The following R3HDM2 variants were observed in gnomAD, a reference collection of about 807,000 sequenced individuals.
R3HDM2 encodes R3H domain-containing protein 2.
A neutral mutation model predicts 124.5 loss-of-function variants in R3HDM2; 38 were observed. The ratio of observed to expected loss-of-function variants is 0.31; its 90% confidence interval spans 0.24 to 0.40. The LOEUF is 0.40. R3HDM2 is among the 10% of genes least tolerant of loss of function. R3HDM2 has a pLI of 1.00. For synonymous variants in R3HDM2, 391 were observed against 448.0 expected, an observed-to-expected ratio of 0.87 and a Z score of 1.61; for missense variants, 869 against 1,236.9, an observed-to-expected ratio of 0.70 and a Z score of 4.46.
intron 2 of R3HDM2, among the ~76,000 whole-genome samples, chr12:57,315,129 C>G (rs962783279): frequency 6.6e-6 from 1 of 152,060 alleles, no homozygotes; most frequent in Non-Finnish European, 1.5e-5. Flanking sequence ...CTTCTGCTTC[C>G]CAGGTTCAAG....
intron 11 of R3HDM2, among the ~76,000 whole-genome samples, chr12:57,289,877 C>A (rs192410375): frequency 2.0e-4 from 31 of 152,348 alleles, no homozygotes; most frequent in Admixed American, 1.2e-3. Flanking sequence ...CCCCACAACT[C>A]CACCCCTAAT....
rs559620539 is a variant in R3HDM2 at position 57,375,798 on chromosome 12, G to A, written c.-36+19951C>T. Among the ~76,000 whole-genome samples, 6 of 151,388 alleles carry A rather than the reference G, an allele frequency of 4.0e-5. 1 individual carries two copies. Among genetic ancestry groups the A allele is most frequent in the South Asian group, 4.2e-4 (2 of 4,784 alleles). On this transcript the variant is annotated intron_variant, in intron 2 of 23. Transcript: ENST00000402412. ...AGCAATTCTCCCGCCTCAGCCTCCC[G>A]AGTAGCTGGGATTACAGGCCCACAC... is the stretch of plus-strand genomic sequence containing the variant.
rs1565829854 is a variant in R3HDM2 at position 57,258,986 on chromosome 12, G to T, written c.2205C>A (p.Asn735Lys). The change falls in exon 20 of 24, where the codon AAC becomes AAA. Residue 735 changes from asparagine to lysine, a missense_variant. Asn to Lys is a moderately conservative substitution (Grantham distance 94, BLOSUM62 0). Transcript: ENST00000402412. The part of the protein sequence containing the change: ...NVPNGPQPPQ[N>K]PSMVQWSHCK... ...AATGACTCCACTGGACCATGGATGG[G>T]TTCTGAGGGGGCTGGGGTCCATTAG... 7.4e-6 allele frequency: 12 copies of T among 1,613,246 alleles called. No homozygotes were observed. The highest frequency in any genetic ancestry group is 8.5e-6 in the Non-Finnish European group (10 of 1,179,990).
chr12:57,276,322 T>C (rs934387474), intron 14 of R3HDM2, among the ~76,000 whole-genome samples: 8 of 151,956 alleles, frequency 5.3e-5, no homozygotes, highest in Non-Finnish European at 1.2e-4. Flanking sequence ...GATACTTGCA[T>C]GTGCATGTTT....
chr12:57,309,253 T>C (rs763677647), intron 3 of R3HDM2, among the ~76,000 whole-genome samples: 3 of 152,246 alleles, frequency 2.0e-5, no homozygotes, highest in Non-Finnish European at 4.4e-5. Context: ...CTAGTGTTAA[T>C]TGTCTGTCTC....
chr12:57,376,125 C>A (rs909556852), intron 2 of R3HDM2, among the ~76,000 whole-genome samples: 1 of 152,226 alleles, frequency 6.6e-6, no homozygotes, highest in Non-Finnish European at 1.5e-5. Flanking sequence ...TATTCTGGGT[C>A]CTTCATTGAA....
chr12:57,425,227 G>A (rs924008754), intron 1 of R3HDM2, among the ~76,000 whole-genome samples: 10 of 151,362 alleles, frequency 6.6e-5, no homozygotes, highest in East Asian at 5.8e-4. Context: ...AGCCGAGATC[G>A]TGCCATTGCA....
chr12:57,255,640 T>A (rs1045223658), intron 23 of R3HDM2, among the ~76,000 whole-genome samples: 3 of 152,120 alleles, frequency 2.0e-5, no homozygotes, highest in African/African-American at 7.2e-5. Flanking sequence ...GGACGAGAGT[T>A]TCTCCCCCAT....
intron 1 of R3HDM2, among the ~76,000 whole-genome samples, chr12:57,410,317 TTA>T (rs2068892556): frequency 9.7e-6 from 1 of 102,826 alleles, no homozygotes. Context: ...TAGTATAACC[TTA>T]AAAAAAAAAA....
intron 1 of R3HDM2, among the ~76,000 whole-genome samples, chr12:57,430,270 T>C (rs1869443269): frequency 6.6e-6 from 1 of 152,046 alleles, no homozygotes; most frequent in African/African-American, 2.4e-5. Context: ...TAGAAACATC[T>C]CCCTGTATGT....
At chr12:57,320,351 A>T (rs1260874145) in intron 2 of R3HDM2, among the ~76,000 whole-genome samples, 1 of 150,750 alleles carries the variant, frequency 6.6e-6, no homozygotes, top group Non-Finnish European at 1.5e-5. Context: ...TTCCATTCTT[A>T]ATAGTTTATT....
At chr12:57,430,569 A>C in intron 1 of R3HDM2, 151 bp downstream of exon 1, 1 of 980,732 alleles carries the variant, frequency 1.0e-6, no homozygotes, top group Non-Finnish European at 1.2e-6. Context: ...TCCCGCGGCC[A>C]TCCGACCCTG....
chr12:57,371,142 C>A (rs2063331339), intron 2 of R3HDM2, among the ~76,000 whole-genome samples: 2 of 116,070 alleles, frequency 1.7e-5, no homozygotes, highest in Non-Finnish European at 3.3e-5. Context: ...CAGAGACACC[C>A]AACAAACTAG....
In R3HDM2 at chr12:57,299,493, G is replaced by A. The variant is rs1241049628; in HGVS notation, c.295-15C>T. The A allele has an allele frequency of 8.4e-6, 13 of 1,543,326 alleles. No homozygotes were observed. The highest frequency in any genetic ancestry group is 3.6e-5 in the South Asian group (3 of 83,660). On this transcript the variant is annotated splice_polypyrimidine_tract_variant and intron_variant, in intron 5 of 23. Coordinates refer to ENST00000402412, the MANE Select transcript of R3HDM2 (RefSeq NM_001394031.1). The stretch of plus-strand genomic sequence containing the variant: ...TGAATTATATCCTTAAGGGGAAAAA[G>A]GATAATCAAAGGGGGAAAAAGATTT...
intron 1 of R3HDM2, among the ~76,000 whole-genome samples, chr12:57,410,250 G>A (rs926638788): frequency 4.9e-5 from 7 of 143,156 alleles, no homozygotes; most frequent in Admixed American, 1.5e-4. Context: ...GCCATTTCTT[G>A]TGTTGAGGCT....
intron 2 of R3HDM2, among the ~76,000 whole-genome samples, chr12:57,313,428 G>A (rs1311505211): frequency 6.6e-6 from 1 of 151,728 alleles, no homozygotes; most frequent in Non-Finnish European, 1.5e-5. Context: ...GCCAGACATG[G>A]TGGTGCACAC....
intron 13 of R3HDM2, among the ~76,000 whole-genome samples, chr12:57,280,973 T>C (rs2045973395): frequency 6.6e-6 from 1 of 152,144 alleles, no homozygotes; most frequent in African/African-American, 2.4e-5. Flanking sequence ...CTTCTCAATT[T>C]GCAACATCTC....
intron 2 of R3HDM2, among the ~76,000 whole-genome samples, chr12:57,319,194 T>C (rs890768780): frequency 6.6e-6 from 1 of 151,832 alleles, no homozygotes; most frequent in Non-Finnish European, 1.5e-5. Flanking sequence ...TCAAGCAATT[T>C]CCGGCTAATT....
chr12:57,353,920 A>G (rs1359001609), intron 2 of R3HDM2, among the ~76,000 whole-genome samples: 3 of 152,040 alleles, frequency 2.0e-5, no homozygotes, highest in African/African-American at 7.2e-5. Context: ...CAGTGGTGCA[A>G]TCTCGGCTTA....
Sources: allele counts gnomAD v4.1 joint callset (sites outside exome capture counted in the v4.1 genomes callset), GRCh38; gene constraint gnomAD v4.1.1; transcripts MANE v1.5; gene names NCBI Gene and HGNC (gene_info 2026-07-23, HGNC 2026-07-21).